The following MAGI2 variants were observed in gnomAD, a reference collection of about 807,000 sequenced individuals.
MAGI2 encodes the protein membrane associated guanylate kinase, WW and PDZ domain containing 2.
Under a neutral mutation model 133.3 loss-of-function variants are expected in MAGI2, and 35 were observed. The ratio of observed to expected loss-of-function variants is 0.26; its 90% CI spans 0.20 to 0.35. The LOEUF (loss-of-function observed/expected upper bound fraction) is 0.35. MAGI2 is among the 10% of genes least tolerant of loss of function. MAGI2 has a pLI of 1.00. For missense variants in MAGI2, 1,636 were observed against 1,863.4 expected (o/e 0.88, Z 2.25); for synonymous variants, 729 against 710.6 (o/e 1.03, Z -0.41).
Position 78,019,706 on chromosome 7 carries a change from G to A in MAGI2, c.3977C>T (p.Pro1326Leu), listed in dbSNP as rs764601169. The change falls in exon 22 of 22, where the codon CCG becomes CTG. Residue 1326 changes from proline (P) to leucine (L), a missense_variant. Pro to Leu is a moderately conservative substitution (Grantham distance 98, BLOSUM62 -3). This residue lies in a region of MAGI2 where 354 missense variants were observed against 298.7 expected (regional missense o/e 1.19). Coordinates refer to ENST00000354212, the MANE Select transcript of MAGI2 (RefSeq NM_012301.4). ...RSASPQRAAR[P>L]RLEEAPGGQG... is the part of the protein sequence containing the mutation. ...GCCGCCGGGCGCCTCCTCGAGCCTC[G>A]GCCGCGCGGCCCTCTGCGGACTCGC... 4 of 1,575,914 alleles carry A rather than the reference G, an allele frequency of 2.5e-6. No homozygotes were observed. The highest frequency in any genetic ancestry group is 2.6e-6 in the Non-Finnish European group (3 of 1,167,756).
At chr7:78,892,544 G>A (rs1450490283) in intron 2 of MAGI2, among the ~76,000 whole-genome samples, 1 of 152,138 alleles carries the variant, frequency 6.6e-6, no homozygotes, top group Non-Finnish European at 1.5e-5. Flanking sequence ...ATAGATCAAT[G>A]GAACAGAACA....
intron 1 of MAGI2, among the ~76,000 whole-genome samples, chr7:79,389,231 A>C (rs1441843689): frequency 6.6e-6 from 1 of 152,086 alleles, no homozygotes. Context: ...ACAGATATCA[A>C]GGACAATTTC....
At chr7:78,687,643 A>G (rs966796720) in intron 2 of MAGI2, among the ~76,000 whole-genome samples, 1 of 152,154 alleles carries the variant, frequency 6.6e-6, no homozygotes, top group African/African-American at 2.4e-5. Flanking sequence ...TTTCTGGATA[A>G]CTGAAGGAAA....
chr7:78,794,508 C>T (rs1366642404), intron 2 of MAGI2, among the ~76,000 whole-genome samples: 1 of 151,152 alleles, frequency 6.6e-6, no homozygotes, highest in Non-Finnish European at 1.5e-5. Context: ...GCCTGTTTGC[C>T]ATAGGAAGAT....
chr7:79,093,089 T>C (rs1042686692), intron 1 of MAGI2, among the ~76,000 whole-genome samples: 4 of 152,084 alleles, frequency 2.6e-5, no homozygotes, highest in Non-Finnish European at 5.9e-5. Context: ...CCTAAGATTT[T>C]ATAAATGAGG....
intron 2 of MAGI2, among the ~76,000 whole-genome samples, chr7:78,852,142 G>A (rs1215882697): frequency 1.3e-5 from 2 of 151,928 alleles, no homozygotes; most frequent in Non-Finnish European, 2.9e-5. Context: ...GGGTTAATTT[G>A]TATTTCCTTA....
intron 6 of MAGI2, among the ~76,000 whole-genome samples, chr7:78,463,477 G>C (rs150738264): frequency 2.6e-5 from 4 of 152,204 alleles, no homozygotes; most frequent in African/African-American, 9.6e-5. Context: ...TCTAATCAGA[G>C]ACTCTCTGAG....
At chr7:78,648,722 T>C (rs1811174402) in intron 2 of MAGI2, among the ~76,000 whole-genome samples, 1 of 152,204 alleles carries the variant, frequency 6.6e-6, no homozygotes, top group Admixed American at 6.5e-5. Context: ...TCTTGGAATA[T>C]AATCAGCATT....
intron 16 of MAGI2, among the ~76,000 whole-genome samples, chr7:78,148,122 A>G (rs376330391): frequency 3.4e-4 from 52 of 152,328 alleles, no homozygotes; most frequent in African/African-American, 1.1e-3. Flanking sequence ...TAATCACCAG[A>G]AACAGGAAAC....
In MAGI2 at chr7:78,521,511, C is replaced by G; in HGVS notation, c.673G>C (p.Glu225Gln). Residue 225 changes from glutamate to glutamine, a missense_variant, in exon 4 of 22, where the codon GAG becomes CAG. Physicochemically the swap from Glu to Gln is conservative, Grantham distance 29 (BLOSUM62 2). Transcript: ENST00000354212. Reference sequence around the variant, plus strand: ...TCAGGAGGCTCTATACTGGCTTTCTCCATGTTGCTCACTGATTTATTCCTC... The same window carrying G: ...TCAGGAGGCTCTATACTGGCTTTCTGCATGTTGCTCACTGATTTATTCCTC... Reference protein sequence around the residue: ...RKRNKSVSNMEKASIEPPEEE... With the variant: ...RKRNKSVSNMQKASIEPPEEE... The G allele has an allele frequency of 6.2e-7, 1 of 1,614,148 alleles. No homozygotes were observed. The highest frequency in any genetic ancestry group is 8.5e-7 in the Non-Finnish European group (1 of 1,180,018).
chr7:79,215,734 T>G (rs1172580182), intron 1 of MAGI2, among the ~76,000 whole-genome samples: 1 of 152,014 alleles, frequency 6.6e-6, no homozygotes, highest in African/African-American at 2.4e-5. Flanking sequence ...TTATAACTTC[T>G]GTCCCCCTAA....
chr7:79,180,852 A>G (rs191800865), intron 1 of MAGI2, among the ~76,000 whole-genome samples: 1 of 151,970 alleles, frequency 6.6e-6, no homozygotes. Context: ...AAATATGCCA[A>G]TTTGGAGAAA....
chr7:78,877,887 A>C (rs1795550710), intron 2 of MAGI2, among the ~76,000 whole-genome samples: 1 of 152,186 alleles, frequency 6.6e-6, no homozygotes, highest in Non-Finnish European at 1.5e-5. Flanking sequence ...AAAAGTACTT[A>C]TTGATTAAAA....
intron 1 of MAGI2, among the ~76,000 whole-genome samples, chr7:79,266,484 G>A (rs1003109083): frequency 2.0e-5 from 3 of 152,038 alleles, no homozygotes; most frequent in Non-Finnish European, 4.4e-5. Flanking sequence ...GCACTTCTCT[G>A]TTCTCCACAG....
chr7:78,619,887 C>T (rs925223036), intron 3 of MAGI2, among the ~76,000 whole-genome samples: 3 of 151,868 alleles, frequency 2.0e-5, no homozygotes, highest in East Asian at 1.9e-4. Context: ...GGTCAGTGTT[C>T]CTAAAAAGTA....
chr7:78,598,625 T>C (rs543318820), intron 3 of MAGI2, among the ~76,000 whole-genome samples: 1 of 152,272 alleles, frequency 6.6e-6, no homozygotes, highest in South Asian at 2.1e-4. Flanking sequence ...AGTTGGGTGA[T>C]AGCATGGAGA....
At chr7:78,349,742 C>T (rs770851594) in intron 7 of MAGI2, among the ~76,000 whole-genome samples, 2 of 152,154 alleles carry the variant, frequency 1.3e-5, no homozygotes, top group Non-Finnish European at 2.9e-5. Context: ...TCATTTGAAA[C>T]TTAAAATGCT....
chr7:79,015,230 G>A lies in MAGI2; in HGVS notation c.302-8024C>T, dbSNP rs193022967. The stretch of plus-strand genomic sequence containing the variant: ...AGAACTTTGGGAGGCTGAGGCAGGA[G>A]GATCACTTGAGGACAGGAGTTCCAG... On this transcript the variant is annotated intron_variant, in intron 1 of 21. Coordinates refer to ENST00000354212, the MANE Select transcript of MAGI2 (RefSeq NM_012301.4). Among the ~76,000 whole-genome samples the A allele has an allele frequency of 3.9e-5, 6 of 152,090 alleles. No homozygotes were observed. In the East Asian group the frequency reaches 1.2e-3, roughly 29 times the overall value.
intron 1 of MAGI2, among the ~76,000 whole-genome samples, chr7:79,010,045 TAC>T (rs1014943901): frequency 3.3e-5 from 5 of 152,066 alleles, no homozygotes; most frequent in African/African-American, 9.7e-5. Context: ...CATATATATA[TAC>T]ACACACATGT....
Sources: allele counts gnomAD v4.1 joint callset (sites outside exome capture counted in the v4.1 genomes callset), GRCh38; gene constraint gnomAD v4.1.1; regional missense constraint gnomAD v4.1.1; transcripts MANE v1.5; gene names NCBI Gene and HGNC (gene_info 2026-07-23, HGNC 2026-07-21).